MTPN: variants seen among roughly 807,000 people sequenced by gnomAD.
MTPN encodes the protein myotrophin.
In MTPN, 2 loss-of-function variants were observed where a neutral mutation model predicts 13.5. That is an observed-to-expected ratio of 0.15 (90% CI 0.06 to 0.47). The LOEUF (loss-of-function observed/expected upper bound fraction) is 0.47, where lower values mean the gene tolerates loss of function less well. Ranked by LOEUF, MTPN falls within the 20% of genes least tolerant of loss-of-function variation. The pLI, the probability that MTPN is intolerant of heterozygous loss-of-function variation, is 0.97. For missense variants in MTPN, 79 were observed against 137.9 expected, an observed-to-expected ratio of 0.57 and a Z score of 2.14; for synonymous variants, 46 against 51.7, an observed-to-expected ratio of 0.89 and a Z score of 0.48.
chr7:135,954,454 ATGT>A lies in MTPN; in HGVS notation c.73-2827_73-2825del, dbSNP rs559776951. On this transcript the variant is annotated intron_variant, in intron 1 of 3. Transcript: ENST00000393085. ...TTAGTCTTTATTCACAACTACAAAA[ATGT>A]TGTTGAGGCAAAGAATGCTTAACAA... Among the ~76,000 whole-genome samples, 246 of 152,370 alleles carry A rather than the reference ATGT, an allele frequency of 1.6e-3. 1 individual carries two copies. Among genetic ancestry groups the A allele is most frequent in the African/African-American group, 4.9e-3 (203 of 41,594 alleles).
At chr7:135,970,983 T>C (rs1365004819) in intron 1 of MTPN, among the ~76,000 whole-genome samples, 1 of 152,140 alleles carries the variant, frequency 6.6e-6, no homozygotes, top group African/African-American at 2.4e-5. Context: ...AACCAATAAA[T>C]GCAAAGTAGA....
At chr7:135,970,821 T>C (rs896022689) in intron 1 of MTPN, among the ~76,000 whole-genome samples, 1 of 152,186 alleles carries the variant, frequency 6.6e-6, no homozygotes, top group Admixed American at 6.5e-5. Flanking sequence ...AATGTTTCTC[T>C]GTCTACTGAG....
intron 1 of MTPN, among the ~76,000 whole-genome samples, chr7:135,955,113 G>A (rs186026806): frequency 3.9e-5 from 6 of 152,156 alleles, no homozygotes; most frequent in Non-Finnish European, 5.9e-5. Context: ...TTGTGTGACT[G>A]ACAGAAAAAA....
intron 1 of MTPN, among the ~76,000 whole-genome samples, chr7:135,973,076 G>T (rs1437012471): frequency 6.7e-6 from 1 of 149,988 alleles, no homozygotes; most frequent in East Asian, 2.1e-4. Flanking sequence ...TTTAAAATAA[G>T]CAGTGAGAAA....
chr7:135,941,755 A>C (rs1287738923), intron 3 of MTPN, among the ~76,000 whole-genome samples: 3 of 152,346 alleles, frequency 2.0e-5, no homozygotes, highest in African/African-American at 7.2e-5. Context: ...CATATTTAAC[A>C]TGAATAGAAA....
chr7:135,956,504 T>G (rs1292503086), intron 1 of MTPN, among the ~76,000 whole-genome samples: 2 of 152,208 alleles, frequency 1.3e-5, no homozygotes, highest in Admixed American at 6.5e-5. Context: ...AAACCTCTTC[T>G]ACTTATTATA....
In MTPN at chr7:135,929,950, C is replaced by T. The variant is rs1489217563; in HGVS notation, c.333G>A (p.Gln111=). ...ATCACTGGAGAAGAGCTTTGATTGC[C>T]TGGTTGTCAGTGGCTTCAAAGGCGG... is the stretch of plus-strand genomic sequence containing the variant. ...GLTAFEATDN[Q]AIKALLQ is the part of the protein sequence containing the mutation. Residue 111 remains glutamine (Q), a synonymous_variant, in exon 4 of 4, where the codon CAG becomes CAA. Transcript: ENST00000393085. The T allele has an allele frequency of 6.2e-7, 1 of 1,610,672 alleles. No individual in the cohort carries two copies.
chr7:135,954,354 AAAGAT>A (rs769621511), intron 1 of MTPN, among the ~76,000 whole-genome samples: 1 of 152,268 alleles, frequency 6.6e-6, no homozygotes, highest in African/African-American at 2.4e-5. Context: ...ATGAATAATT[AAAGAT>A]ATTATTTATT....
chr7:135,937,528 C>A (rs1440005228), intron 3 of MTPN, among the ~76,000 whole-genome samples: 1 of 152,054 alleles, frequency 6.6e-6, no homozygotes, highest in Non-Finnish European at 1.5e-5. Context: ...TATAAAATGG[C>A]TTAGGATTTG....
intron 3 of MTPN, chr7:135,932,621 T>C (rs1799041250): frequency 6.6e-6 from 1 of 151,960 alleles, no homozygotes; most frequent in Non-Finnish European, 1.5e-5. Context: ...TCTTTAAAAA[T>C]AGTTGAGTAA....
Position 135,929,818 on chromosome 7 carries a change from T to G in MTPN, c.*108A>C. ...AATTTCTCTCTCCCCTCACCCCTCT[T>G]AAAGTATTTAGCTGAAGAAGCTGGC... On this transcript the variant is annotated 3_prime_UTR_variant, in exon 4 of 4. Coordinates refer to ENST00000393085, the MANE Select transcript of MTPN (RefSeq NM_145808.4). The G allele has an allele frequency of 8.9e-7, 1 of 1,117,460 alleles. No homozygotes were observed. The highest frequency in any genetic ancestry group is 1.3e-5 in the South Asian group (1 of 77,726). 69.2% of individuals were successfully genotyped at this position (1,117,460 alleles called of 1,614,324 possible). A position where few individuals can be genotyped will look rare whatever the true frequency, so the allele number is the denominator to read the frequency against.
chr7:135,964,493 G>A (rs1057152557), intron 1 of MTPN, among the ~76,000 whole-genome samples: 1 of 152,054 alleles, frequency 6.6e-6, no homozygotes, highest in African/African-American at 2.4e-5. Context: ...GAAAATTTTG[G>A]AACGTTTTTG....
intron 1 of MTPN, among the ~76,000 whole-genome samples, chr7:135,961,499 T>C (rs1387981088): frequency 1.3e-5 from 2 of 151,960 alleles, no homozygotes; most frequent in Admixed American, 6.6e-5. Flanking sequence ...GCAATGATAT[T>C]TGGAGAGAGT....
At chr7:135,946,578 C>T (rs1799291708) in intron 3 of MTPN, among the ~76,000 whole-genome samples, 1 of 152,150 alleles carries the variant, frequency 6.6e-6, no homozygotes, top group Admixed American at 6.5e-5. Context: ...ACATCAGTGA[C>T]CATGTAGTTT....
chr7:135,969,234 A>T lies in MTPN; in HGVS notation c.72+7795T>A, dbSNP rs948415284. ...GCACATGTACCCTAAAACTTAAAGT[A>T]TAATAAAAAAAAAAAAAAAGAAAAA... is the stretch of plus-strand genomic sequence containing the variant. On this transcript the variant is annotated intron_variant, in intron 1 of 3. Transcript: ENST00000393085. 8.6e-5 allele frequency among the ~76,000 whole-genome samples: 10 copies of T among 116,394 alleles called. 1 individual carries two copies. The highest frequency in any genetic ancestry group is 6.9e-3 in the Middle Eastern group (2 of 288). 76.4% of individuals were successfully genotyped at this position (116,394 alleles called of 152,430 possible). A position where few individuals can be genotyped will look rare whatever the true frequency, so the allele number is the denominator to read the frequency against.
intron 1 of MTPN, among the ~76,000 whole-genome samples, chr7:135,964,760 T>G: frequency 6.6e-6 from 1 of 152,098 alleles, no homozygotes; most frequent in Non-Finnish European, 1.5e-5. Context: ...CATCTTTGAA[T>G]CATAAAGGTT....
Position 135,951,753 on chromosome 7 carries a change from T to C in MTPN, c.73-123A>G, listed in dbSNP as rs573492964. 12 of 584,852 alleles carry C rather than the reference T, an allele frequency of 2.1e-5. No homozygotes were observed. In the South Asian group the frequency reaches 3.3e-4, roughly 16 times the overall value. 36.2% of individuals were successfully genotyped at this position (584,852 alleles called of 1,614,324 possible). Reference sequence around the variant, plus strand: ...AGTTTCATGAAACAATTAACATTTCTTGCAAAATAAAATAACCAAAAACTT... The same window carrying C: ...AGTTTCATGAAACAATTAACATTTCCTGCAAAATAAAATAACCAAAAACTT... On this transcript the variant is annotated intron_variant, in intron 1 of 3. Coordinates refer to ENST00000393085, the MANE Select transcript of MTPN (RefSeq NM_145808.4).
At chr7:135,942,269 ATAAAGT>A (rs1799227025) in intron 3 of MTPN, among the ~76,000 whole-genome samples, 1 of 152,206 alleles carries the variant, frequency 6.6e-6, no homozygotes, top group African/African-American at 2.4e-5. Context: ...AGTTCTTCTC[ATAAAGT>A]TAATTTTCTT....
intron 2 of MTPN, 39 bp from the exon 3 acceptor site, chr7:135,950,721 C>A (rs776325777): frequency 2.7e-6 from 4 of 1,459,744 alleles, no homozygotes; most frequent in South Asian, 2.4e-5. Flanking sequence ...ATCTGTTTTT[C>A]ATTTCTTCCT....
Sources: gnomAD v4.1 joint callset for allele counts (sites outside exome capture counted in the v4.1 genomes callset) on GRCh38, gnomAD v4.1.1 for gene constraint, MANE v1.5 for transcripts, NCBI Gene and HGNC (gene_info 2026-07-23, HGNC 2026-07-21) for gene names.